CHM: variants seen among roughly 807,000 people sequenced by gnomAD.
The protein encoded by CHM is CHM Rab escort protein, also known as rab proteins geranylgeranyltransferase component A 1.
Under a neutral mutation model 49.0 loss-of-function variants are expected in CHM, and 10 were observed. The observed-to-expected ratio is 0.20, with a 90% CI of 0.13 to 0.35. The LOEUF is 0.35. Among genes scored for constraint, CHM ranks in the 10% least tolerant of loss-of-function variants. The pLI, the probability that CHM is intolerant of heterozygous loss-of-function variation, is 1.00. For synonymous variants in CHM, 184 were observed against 167.5 expected, an observed-to-expected ratio of 1.10 and a Z score of -0.76; for missense variants, 455 against 478.4, an observed-to-expected ratio of 0.95 and a Z score of 0.46.
chrX:85,865,253 C>T (rs931225744), intron 14 of CHM, among the ~76,000 whole-genome samples: 2 of 111,450 alleles, frequency 1.8e-5, no homozygotes, highest in African/African-American at 6.5e-5. Context: ...ATTATGGGGG[C>T]GGCTGTTCCC....
intron 1 of CHM, among the ~76,000 whole-genome samples, chrX:86,039,129 T>C (rs1603286692): frequency 8.9e-6 from 1 of 112,217 alleles, no homozygotes; most frequent in Non-Finnish European, 1.9e-5. Flanking sequence ...TCACCGTGCT[T>C]GGCATATAAC....
In CHM at chrX:85,901,340, C is replaced by T. The variant is rs757433073; in HGVS notation, c.1245-152G>A. On this transcript the variant is annotated intron_variant, in intron 9 of 14. Coordinates refer to ENST00000357749, the MANE Select transcript of CHM (RefSeq NM_000390.4). ...CAATTCCATGTTTTCTGACACAAAA[C>T]TGACAGTAAATGACAGAATATATAT... 4 of 425,782 alleles carry T rather than the reference C, an allele frequency of 9.4e-6. No homozygotes were observed. In the South Asian group the frequency reaches 1.3e-4, roughly 14 times the overall value. The allele number at this position is 425,782 out of a possible 1,213,427, so 35.1% of individuals were successfully genotyped here. A position where few individuals can be genotyped will look rare whatever the true frequency, so the allele number is the denominator to read the frequency against.
intron 11 of CHM, among the ~76,000 whole-genome samples, chrX:85,896,349 A>G (rs1045970943): frequency 9.0e-6 from 1 of 110,951 alleles, no homozygotes; most frequent in Non-Finnish European, 1.9e-5. Context: ...GAAAAGGCAG[A>G]TCAAAGCAAC....
chrX:86,020,838 T>A (rs1323189200), intron 2 of CHM, among the ~76,000 whole-genome samples: 1 of 102,487 alleles, frequency 9.8e-6, no homozygotes, highest in East Asian at 3.1e-4. Context: ...ATCTCTGATA[T>A]GTGATACATC....
chrX:85,935,711 A>C (rs1179924965), intron 8 of CHM, among the ~76,000 whole-genome samples: 1 of 112,363 alleles, frequency 8.9e-6, no homozygotes, highest in Non-Finnish European at 1.9e-5. Flanking sequence ...TTGTTGACTG[A>C]AATGTCACTA....
chrX:85,968,002 T>C (rs902425667), intron 4 of CHM, among the ~76,000 whole-genome samples: 19 of 111,643 alleles, frequency 1.7e-4, no homozygotes, highest in African/African-American at 5.8e-4. Context: ...TCACCATTTA[T>C]TTTTCAGCCA....
At chrX:86,016,296 G>A (rs903384008) in intron 2 of CHM, among the ~76,000 whole-genome samples, 1 of 111,990 alleles carries the variant, frequency 8.9e-6, no homozygotes, top group South Asian at 3.7e-4. Flanking sequence ...ATTTGCATAA[G>A]TAACTAGGAG....
At chrX:86,004,723 T>C (rs1460089628) in intron 2 of CHM, among the ~76,000 whole-genome samples, 1 of 111,678 alleles carries the variant, frequency 9.0e-6, no homozygotes, top group African/African-American at 3.3e-5. Flanking sequence ...CTATCCTAAA[T>C]ATATATGCAC....
In CHM at chrX:85,906,632, G is replaced by T. The variant is rs144023016; in HGVS notation, c.1244+4629C>A. Among the ~76,000 whole-genome samples, 813 of 111,431 alleles carry T rather than the reference G, an allele frequency of 7.3e-3. 7 individuals are homozygous for T. Among genetic ancestry groups the T allele is most frequent in the African/African-American group, 0.025 (777 of 30,661 alleles). ...TTACTGAAGTCTCCTTGTATACAAG[G>T]GCAAGGTCCATGTTTCATTCACTTC... On this transcript the variant is annotated intron_variant, in intron 9 of 14. Coordinates refer to ENST00000357749, the MANE Select transcript of CHM (RefSeq NM_000390.4).
At chrX:85,990,877 G>C (rs1932152946) in intron 2 of CHM, among the ~76,000 whole-genome samples, 1 of 111,824 alleles carries the variant, frequency 8.9e-6, no homozygotes, top group Admixed American at 9.5e-5. Context: ...TCAGCAGCAG[G>C]CATAGCTAAA....
chrX:85,906,400 G>A (rs1926590731), intron 9 of CHM, among the ~76,000 whole-genome samples: 1 of 112,154 alleles, frequency 8.9e-6, no homozygotes, highest in Non-Finnish European at 1.9e-5. Flanking sequence ...AACATAGCTA[G>A]CACTTACAAT....
intron 8 of CHM, among the ~76,000 whole-genome samples, chrX:85,919,035 T>C (rs996408447): frequency 3.6e-5 from 4 of 111,693 alleles, no homozygotes; most frequent in Admixed American, 9.5e-5. Flanking sequence ...CGACAGAATA[T>C]ACAATATTCT....
chrX:85,893,583 G>A (rs1011499883), intron 12 of CHM, among the ~76,000 whole-genome samples: 25 of 111,270 alleles, frequency 2.2e-4, no homozygotes, highest in African/African-American at 6.9e-4. Context: ...TTAAGAGGTA[G>A]GGGCTTTGGA....
At chrX:85,935,075 T>C (rs1166458814) in intron 8 of CHM, among the ~76,000 whole-genome samples, 1 of 111,588 alleles carries the variant, frequency 9.0e-6, no homozygotes, top group African/African-American at 3.3e-5. Context: ...CCACAGGCTG[T>C]TCAAGAAACA....
chrX:85,900,362 G>A (rs1308824935), intron 11 of CHM, among the ~76,000 whole-genome samples: 1 of 111,337 alleles, frequency 9.0e-6, no homozygotes, highest in Admixed American at 9.6e-5. Flanking sequence ...CAGGAGCTAG[G>A]CAAAATGGGG....
At chrX:85,881,116 T>G (rs1163909022) in intron 12 of CHM, among the ~76,000 whole-genome samples, 4 of 112,114 alleles carry the variant, frequency 3.6e-5, no homozygotes, top group Non-Finnish European at 7.5e-5. Flanking sequence ...AAATGTTAAT[T>G]ATAATTTGTC....
intron 8 of CHM, among the ~76,000 whole-genome samples, chrX:85,951,748 C>A (rs928469850): frequency 8.9e-6 from 1 of 111,990 alleles, no homozygotes; most frequent in African/African-American, 3.2e-5. Context: ...AAAAAAAGAA[C>A]CATCATAAGA....
intron 2 of CHM, among the ~76,000 whole-genome samples, chrX:85,988,199 C>T (rs1932013757): frequency 8.9e-6 from 1 of 112,122 alleles, no homozygotes; most frequent in African/African-American, 3.2e-5. Flanking sequence ...AAGGTTACTT[C>T]AACATACATA....
At chrX:85,880,540 A>T (rs1163809073) in intron 12 of CHM, among the ~76,000 whole-genome samples, 1 of 111,745 alleles carries the variant, frequency 8.9e-6, no homozygotes, top group East Asian at 2.8e-4. Context: ...GAAAAAGCAG[A>T]TGAACCTGGA....
Sources: gnomAD v4.1 joint callset for allele counts (sites outside exome capture counted in the v4.1 genomes callset) on GRCh38, gnomAD v4.1.1 for gene constraint, MANE v1.5 for transcripts, NCBI Gene and HGNC (gene_info 2026-07-23, HGNC 2026-07-21) for gene names.